TMEM132D: variants seen among roughly 807,000 people sequenced by gnomAD.
The protein encoded by TMEM132D is transmembrane protein 132D.
TMEM132D carries 21 observed loss-of-function variants against 62.3 expected under a neutral mutation model. The observed-to-expected ratio is 0.34, with a 90% CI of 0.24 to 0.49. TMEM132D has a LOEUF of 0.49. TMEM132D is among the 20% of genes least tolerant of loss of function. The pLI is 0.99. For missense variants in TMEM132D, 1,346 were observed against 1,402.8 expected (o/e 0.96, Z 0.65); for synonymous variants, 621 against 575.6 (o/e 1.08, Z -1.13).
At chr12:129,452,731 A>AGG (rs1873335761) in intron 3 of TMEM132D, among the ~76,000 whole-genome samples, 1 of 152,012 alleles carries the variant, frequency 6.6e-6, no homozygotes, top group South Asian at 2.1e-4. Context: ...GGAGAGAGAG[A>AGG]GACAGAGAAA....
intron 2 of TMEM132D, among the ~76,000 whole-genome samples, chr12:129,652,206 G>A (rs1879947502): frequency 6.6e-6 from 1 of 152,192 alleles, no homozygotes; most frequent in Non-Finnish European, 1.5e-5. Flanking sequence ...CAACGTAGAA[G>A]AACGGTATAG....
chr12:129,693,152 G>A (rs1316986052), intron 2 of TMEM132D, among the ~76,000 whole-genome samples: 1 of 152,106 alleles, frequency 6.6e-6, no homozygotes, highest in African/African-American at 2.4e-5. Flanking sequence ...CGAGAAACTA[G>A]ATGCTTACTC....
intron 1 of TMEM132D, among the ~76,000 whole-genome samples, chr12:129,701,751 C>T (rs539774762): frequency 7.9e-5 from 12 of 152,180 alleles, no homozygotes; most frequent in African/African-American, 2.7e-4. Context: ...ACTTTCTAGG[C>T]AAAGCTCCAC....
At chr12:129,695,491 G>A (rs1881183473) in intron 2 of TMEM132D, among the ~76,000 whole-genome samples, 1 of 152,174 alleles carries the variant, frequency 6.6e-6, no homozygotes, top group African/African-American at 2.4e-5. Flanking sequence ...CCCCACTAGG[G>A]TAACAACGGG....
chr12:129,500,272 C>T (rs939470232), intron 3 of TMEM132D, among the ~76,000 whole-genome samples: 2 of 144,718 alleles, frequency 1.4e-5, no homozygotes, highest in African/African-American at 5.2e-5. Flanking sequence ...CAGTTACCTC[C>T]GACAAATACC....
intron 3 of TMEM132D, among the ~76,000 whole-genome samples, chr12:129,427,629 C>T (rs1872535983): frequency 1.3e-5 from 2 of 151,990 alleles, no homozygotes; most frequent in South Asian, 4.1e-4. Flanking sequence ...TTCGGATGCA[C>T]TATGCATCCC....
At chr12:129,214,556 C>G (rs1354500943) in intron 4 of TMEM132D, among the ~76,000 whole-genome samples, 1 of 152,200 alleles carries the variant, frequency 6.6e-6, no homozygotes, top group East Asian at 1.9e-4. Flanking sequence ...AATAAAATGA[C>G]TATAGTTTTT....
intron 2 of TMEM132D, among the ~76,000 whole-genome samples, chr12:129,621,024 C>A (rs566325223): frequency 6.6e-6 from 1 of 152,178 alleles, no homozygotes; most frequent in South Asian, 2.1e-4. Context: ...TCACATCATG[C>A]CCAGATCCAA....
rs1219527019 is a variant in TMEM132D, at chr12:129,073,639, A to G, written c.*236T>C. ...AGAACTCGTTTTTGTTTCAAGTCTTAAAAATCTTGCCATGCATGATAAACC... is the reference window on the plus strand; with the variant it reads ...AGAACTCGTTTTTGTTTCAAGTCTTGAAAATCTTGCCATGCATGATAAACC... On this transcript the variant is annotated 3_prime_UTR_variant, in exon 9 of 9. Coordinates refer to ENST00000422113, the MANE Select transcript of TMEM132D (RefSeq NM_133448.3). The G allele has an allele frequency of 2.4e-6, 1 of 410,934 alleles. No individual in the cohort carries two copies. The highest frequency in any genetic ancestry group is 2.0e-5 in the African/African-American group (1 of 48,866). 25.5% of individuals were successfully genotyped at this position (410,934 alleles called of 1,614,324 possible).
intron 3 of TMEM132D, among the ~76,000 whole-genome samples, chr12:129,394,706 T>C (rs1871375234): frequency 1.3e-5 from 2 of 152,222 alleles, no homozygotes. Flanking sequence ...ATTAATGACA[T>C]GTGACACCAC....
At chr12:129,394,079 G>C (rs1393804600) in intron 3 of TMEM132D, among the ~76,000 whole-genome samples, 1 of 152,184 alleles carries the variant, frequency 6.6e-6, no homozygotes, top group African/African-American at 2.4e-5. Flanking sequence ...GAATTAAACA[G>C]CTTCATTCTC....
chr12:129,431,535 G>A lies in TMEM132D; in HGVS notation c.1116-93718C>T, dbSNP rs1279247528. Among the ~76,000 whole-genome samples the A allele has an allele frequency of 2.0e-5, 3 of 152,184 alleles. No individual in the cohort carries two copies. In the East Asian group the frequency reaches 5.8e-4, roughly 29 times the overall value. Reference sequence around the variant, plus strand: ...GCTCTACTTCACAAAAGTAGATCCAGGTTCTAACCACATCACACCAGCGTT... The same window carrying A: ...GCTCTACTTCACAAAAGTAGATCCAAGTTCTAACCACATCACACCAGCGTT... On this transcript the variant is annotated intron_variant, in intron 3 of 8. Transcript: ENST00000422113.
At chr12:129,502,724 C>G (rs1259876138) in intron 3 of TMEM132D, among the ~76,000 whole-genome samples, 1 of 152,142 alleles carries the variant, frequency 6.6e-6, no homozygotes, top group Non-Finnish European at 1.5e-5. Flanking sequence ...AGTTTATTCC[C>G]TGCAAAAGTT....
intron 1 of TMEM132D, among the ~76,000 whole-genome samples, chr12:129,837,921 T>C (rs941160889): frequency 6.6e-6 from 1 of 152,220 alleles, no homozygotes; most frequent in African/African-American, 2.4e-5. Context: ...TTAATACATC[T>C]GTCATATATA....
intron 1 of TMEM132D, among the ~76,000 whole-genome samples, chr12:129,809,956 T>C (rs960379968): frequency 6.6e-6 from 1 of 152,122 alleles, no homozygotes; most frequent in African/African-American, 2.4e-5. Context: ...AAATGGAAAG[T>C]AAATGTCTAA....
At chr12:129,424,275 A>T (rs1168464728) in intron 3 of TMEM132D, among the ~76,000 whole-genome samples, 1 of 152,132 alleles carries the variant, frequency 6.6e-6, no homozygotes, top group Non-Finnish European at 1.5e-5. Context: ...TTTCTCAATA[A>T]AGTATTAGTT....
At chr12:129,106,287 G>T (rs1238339938) in intron 5 of TMEM132D, among the ~76,000 whole-genome samples, 1 of 124,450 alleles carries the variant, frequency 8.0e-6, no homozygotes, top group African/African-American at 3.2e-5. Flanking sequence ...GAGGGGGGAG[G>T]GATAGCATTG....
chr12:129,308,106 G>GCTAAAGAGGTTGAC (rs1437699971), intron 4 of TMEM132D, among the ~76,000 whole-genome samples: 2 of 152,124 alleles, frequency 1.3e-5, no homozygotes, highest in Admixed American at 6.5e-5. Flanking sequence ...AGTTCTTCAA[G>GCTAAAGAGGTTGAC]CCTCAGTTTA....
chr12:129,121,539 GAGA>G (rs888269614), intron 5 of TMEM132D, among the ~76,000 whole-genome samples: 2 of 152,162 alleles, frequency 1.3e-5, no homozygotes, highest in African/African-American at 2.4e-5. Context: ...GAATAATTTT[GAGA>G]AGGACTCAAC....
Sources: allele counts gnomAD v4.1 joint callset (sites outside exome capture counted in the v4.1 genomes callset), GRCh38; gene constraint gnomAD v4.1.1; transcripts MANE v1.5; gene names NCBI Gene and HGNC (gene_info 2026-07-23, HGNC 2026-07-21).